NEGR1: variants seen among roughly 807,000 people sequenced by gnomAD.
NEGR1 encodes IgLON family member 4.
Under a neutral mutation model 40.9 loss-of-function variants are expected in NEGR1, and 10 were observed. The ratio of observed to expected loss-of-function variants is 0.24; its 90% CI spans 0.15 to 0.42. The LOEUF (loss-of-function observed/expected upper bound fraction) is 0.42, where lower values mean the gene tolerates loss of function less well. Among genes scored for constraint, NEGR1 ranks in the 10% least tolerant of loss-of-function variants. The pLI, the probability that NEGR1 is intolerant of heterozygous loss-of-function variation, is 1.00. For synonymous variants in NEGR1, 185 were observed against 166.8 expected, an observed-to-expected ratio of 1.11 and a Z score of -0.84; for missense variants, 352 against 438.9, an observed-to-expected ratio of 0.80 and a Z score of 1.77.
chr1:72,133,130 A>G (rs746659679), intron 1 of NEGR1, among the ~76,000 whole-genome samples: 18 of 152,138 alleles, frequency 1.2e-4, no homozygotes, highest in Non-Finnish European at 2.5e-4. Flanking sequence ...TTACTAATCA[A>G]TCTATACCTG....
intron 1 of NEGR1, among the ~76,000 whole-genome samples, chr1:72,024,505 A>C (rs2100426106): frequency 6.6e-6 from 1 of 152,286 alleles, no homozygotes; most frequent in South Asian, 2.1e-4. Context: ...CAAAAGCACC[A>C]CAACCTTTTA....
At chr1:71,730,683 TCAAA>T (rs910790885) in intron 3 of NEGR1, among the ~76,000 whole-genome samples, 1 of 150,898 alleles carries the variant, frequency 6.6e-6, no homozygotes, top group African/African-American at 2.4e-5. Flanking sequence ...CAAAATAGTA[TCAAA>T]CAGACTATTA....
intron 1 of NEGR1, among the ~76,000 whole-genome samples, chr1:72,122,058 A>G (rs964210931): frequency 1.3e-5 from 2 of 151,960 alleles, no homozygotes; most frequent in Non-Finnish European, 2.9e-5. Flanking sequence ...CATAATTACA[A>G]CTTTAGGAAG....
At chr1:72,007,021 G>T (rs921003181) in intron 1 of NEGR1, among the ~76,000 whole-genome samples, 1 of 151,960 alleles carries the variant, frequency 6.6e-6, no homozygotes, top group Non-Finnish European at 1.5e-5. Context: ...TGTTAATAAG[G>T]TCTAATACCA....
intron 1 of NEGR1, among the ~76,000 whole-genome samples, chr1:72,202,039 G>C (rs1264038775): frequency 6.6e-6 from 1 of 151,922 alleles, no homozygotes; most frequent in East Asian, 1.9e-4. Context: ...TCTGGGTCAT[G>C]AGTTACCTGG....
intron 6 of NEGR1, among the ~76,000 whole-genome samples, chr1:71,569,798 C>T (rs1281242661): frequency 6.6e-6 from 1 of 152,126 alleles, no homozygotes; most frequent in African/African-American, 2.4e-5. Flanking sequence ...GATTCTCTTC[C>T]TTGCTGAGTT....
chr1:72,222,027 A>C (rs1319443576), intron 1 of NEGR1, among the ~76,000 whole-genome samples: 1 of 151,990 alleles, frequency 6.6e-6, no homozygotes, highest in Non-Finnish European at 1.5e-5. Context: ...TGACCCTGAC[A>C]CTGGGCTGGT....
chr1:71,851,708 T>A (rs1659608139), intron 2 of NEGR1, among the ~76,000 whole-genome samples: 1 of 152,128 alleles, frequency 6.6e-6, no homozygotes, highest in Non-Finnish European at 1.5e-5. Flanking sequence ...TTACAGAAAC[T>A]GTAGCATTTG....
At chr1:71,473,675 C>A (rs942023932) in intron 6 of NEGR1, among the ~76,000 whole-genome samples, 1 of 152,008 alleles carries the variant, frequency 6.6e-6, no homozygotes, top group African/African-American at 2.4e-5. Flanking sequence ...AACTAGATTT[C>A]TTATTTTCAA....
chr1:71,739,006 C>G (rs1020367093), intron 3 of NEGR1, among the ~76,000 whole-genome samples: 1 of 151,902 alleles, frequency 6.6e-6, no homozygotes, highest in Non-Finnish European at 1.5e-5. Context: ...AAACACCCCC[C>G]ACCCACCATG....
intron 3 of NEGR1, among the ~76,000 whole-genome samples, chr1:71,721,679 C>T (rs1400029127): frequency 1.3e-5 from 2 of 152,084 alleles, no homozygotes; most frequent in African/African-American, 4.8e-5. Flanking sequence ...ATACCAGTAG[C>T]AGTCAACACT....
intron 1 of NEGR1, among the ~76,000 whole-genome samples, chr1:72,029,592 T>C (rs1646840204): frequency 6.6e-6 from 1 of 152,208 alleles, no homozygotes; most frequent in Non-Finnish European, 1.5e-5. Flanking sequence ...GTAAGCATAT[T>C]TCATTGAAAA....
chr1:71,746,588 T>G (rs1481098720), intron 3 of NEGR1, among the ~76,000 whole-genome samples: 2 of 152,090 alleles, frequency 1.3e-5, no homozygotes, highest in East Asian at 1.9e-4. Context: ...TAATTCTCCC[T>G]GGAAATTAGC....
chr1:71,481,294 A>C (rs1325396486), intron 6 of NEGR1, among the ~76,000 whole-genome samples: 1 of 151,918 alleles, frequency 6.6e-6, no homozygotes, highest in Non-Finnish European at 1.5e-5. Context: ...TGAAAAAAAA[A>C]ACTGATAGGT....
At position 72,078,275 on chromosome 1, in the gene NEGR1, C is replaced by T. The variant is rs539676009; in HGVS notation, c.177-142964G>A. On this transcript the variant is annotated intron_variant, in intron 1 of 6. Coordinates refer to ENST00000357731, the MANE Select transcript of NEGR1 (RefSeq NM_173808.3). Reference sequence around the variant, plus strand: ...CAAACCAGAAAAAGCAGCTATAGCACCGTAATATCTCAGTGAGTTCACCTT... The same window carrying T: ...CAAACCAGAAAAAGCAGCTATAGCATCGTAATATCTCAGTGAGTTCACCTT... Among the ~76,000 whole-genome samples the T allele has an allele frequency of 5.1e-4, 78 of 152,192 alleles. 2 individuals are homozygous for T. The South Asian group carries it at 0.014, about 28-fold the overall frequency.
At chr1:72,217,882 A>G (rs1653876541) in intron 1 of NEGR1, among the ~76,000 whole-genome samples, 2 of 151,850 alleles carry the variant, frequency 1.3e-5, no homozygotes, top group African/African-American at 4.8e-5. Context: ...GTTTTCTCTT[A>G]GGCCAGTTTA....
chr1:72,164,286 A>T (rs1387120340), intron 1 of NEGR1, among the ~76,000 whole-genome samples: 2 of 150,686 alleles, frequency 1.3e-5, no homozygotes, highest in Non-Finnish European at 2.9e-5. Flanking sequence ...ATTGACTTGA[A>T]AACTGTTTTT....
At chr1:71,870,277 T>C (rs1660241874) in intron 2 of NEGR1, among the ~76,000 whole-genome samples, 1 of 152,182 alleles carries the variant, frequency 6.6e-6, no homozygotes, top group Non-Finnish European at 1.5e-5. Context: ...GATATTAGAA[T>C]GTAGTATTGA....
At chr1:72,138,770 T>C (rs1650563778) in intron 1 of NEGR1, among the ~76,000 whole-genome samples, 2 of 152,054 alleles carry the variant, frequency 1.3e-5, no homozygotes, top group African/African-American at 2.4e-5. Flanking sequence ...TTCACAATTA[T>C]AGTTGGAGAT....
Sources: allele counts gnomAD v4.1 joint callset (sites outside exome capture counted in the v4.1 genomes callset), GRCh38; gene constraint gnomAD v4.1.1; transcripts MANE v1.5; gene names NCBI Gene and HGNC (gene_info 2026-07-23, HGNC 2026-07-21).